PHEX: variants seen among roughly 807,000 people sequenced by gnomAD.
PHEX encodes phosphate regulating endopeptidase X-linked, also known as phosphate-regulating neutral endopeptidase PHEX.
A neutral mutation model predicts 68.0 loss-of-function variants in PHEX; 16 were observed. That is an observed-to-expected ratio of 0.24 (90% CI 0.16 to 0.36). PHEX has a LOEUF of 0.36. Ranked by LOEUF, PHEX falls within the 10% of genes least tolerant of loss-of-function variation. The probability of loss-of-function intolerance (pLI) is 1.00; values close to 1 mark genes in which losing one functional copy is unlikely to be tolerated. For missense variants in PHEX, 480 were observed against 575.5 expected (o/e 0.83, Z 1.70); for synonymous variants, 208 against 205.1 (o/e 1.01, Z -0.12).
intron 13 of PHEX, chrX:22,172,147 T>C (rs897591993): frequency 7.1e-5 from 8 of 111,976 alleles, no homozygotes; most frequent in African/African-American, 2.6e-4. Context: ...CAGGAAGAAA[T>C]AAAATGCCCT....
intron 15 of PHEX, among the ~76,000 whole-genome samples, chrX:22,204,193 C>T (rs1027116823): frequency 3.6e-5 from 4 of 111,274 alleles, no homozygotes; most frequent in Admixed American, 9.5e-5. Context: ...GGGGTGCAAA[C>T]ATTTGCACCT....
intron 13 of PHEX, among the ~76,000 whole-genome samples, chrX:22,169,097 T>G (rs1933436345): frequency 8.9e-6 from 1 of 112,122 alleles, no homozygotes; most frequent in African/African-American, 3.2e-5. Context: ...TGTAGTCTTT[T>G]GAAATTCTTT....
intron 3 of PHEX, among the ~76,000 whole-genome samples, chrX:22,074,570 T>A (rs1480495988): frequency 1.8e-5 from 2 of 110,579 alleles, no homozygotes; most frequent in East Asian, 5.7e-4. Context: ...GGCATTCATG[T>A]TTTTTAGCCT....
At chrX:22,195,543 C>T (rs1434184539) in intron 15 of PHEX, among the ~76,000 whole-genome samples, 8 of 108,558 alleles carry the variant, frequency 7.4e-5, no homozygotes, top group Non-Finnish European at 1.3e-4. Flanking sequence ...TGCAGTGAGC[C>T]GAGATTGTGC....
In PHEX at chrX:22,083,564, C is replaced by T. The variant is rs761418284; in HGVS notation, c.663+5862C>T. Among the ~76,000 whole-genome samples, 14 of 111,957 alleles carry T rather than the reference C, an allele frequency of 1.3e-4. No homozygotes were observed. The South Asian group carries it at 3.7e-3, about 30-fold the overall frequency. On this transcript the variant is annotated intron_variant, in intron 5 of 21. Coordinates refer to ENST00000379374, the MANE Select transcript of PHEX (RefSeq NM_000444.6). ...CATCAACATTTTATAGTTTTCTTTA[C>T]ATGAATCTTTTATTTCATGGGTTAA...
At chrX:22,128,753 T>A in intron 11 of PHEX, among the ~76,000 whole-genome samples, 1 of 110,688 alleles carries the variant, frequency 9.0e-6, no homozygotes. Context: ...TATTGCTACA[T>A]CCTGGCCAGG....
intron 15 of PHEX, among the ~76,000 whole-genome samples, chrX:22,193,098 G>A (rs1399374262): frequency 9.0e-6 from 1 of 110,923 alleles, no homozygotes; most frequent in Non-Finnish European, 1.9e-5. Flanking sequence ...GGCCCTAAAT[G>A]CCAACTTGAG....
intron 12 of PHEX, among the ~76,000 whole-genome samples, chrX:22,164,344 T>C (rs763500613): frequency 8.9e-6 from 1 of 112,313 alleles, no homozygotes; most frequent in East Asian, 2.8e-4. Flanking sequence ...TCTTCAGATG[T>C]TGGCAATGTT....
intron 12 of PHEX, among the ~76,000 whole-genome samples, chrX:22,150,486 C>G (rs919084578): frequency 4.5e-5 from 5 of 112,121 alleles, no homozygotes; most frequent in Non-Finnish European, 9.4e-5. Context: ...ACCTGTAGTA[C>G]AGAGCAGCAA....
chrX:22,078,224 G>A (rs967481001), intron 5 of PHEX, among the ~76,000 whole-genome samples: 3 of 112,070 alleles, frequency 2.7e-5, no homozygotes, highest in Middle Eastern at 4.6e-3. Flanking sequence ...GCTTGGTTGC[G>A]TTTTCTGTTG....
At chrX:22,046,275 G>C (rs1344977451) in intron 2 of PHEX, among the ~76,000 whole-genome samples, 1 of 111,927 alleles carries the variant, frequency 8.9e-6, no homozygotes, top group East Asian at 2.8e-4. Flanking sequence ...GCCTCTTAAG[G>C]CTTAGCTTTG....
intron 13 of PHEX, among the ~76,000 whole-genome samples, chrX:22,177,874 A>G (rs1933758138): frequency 8.9e-6 from 1 of 112,275 alleles, no homozygotes; most frequent in African/African-American, 3.2e-5. Flanking sequence ...GTTACTGAAA[A>G]AACTTACGTG....
Position 22,249,455 on chromosome X carries a change from A to AAAATATATATATAT in PHEX, c.*1503_*1504insAATATATATATATA. On this transcript the variant is annotated 3_prime_UTR_variant, in exon 22 of 22. Transcript: ENST00000379374. The stretch of plus-strand genomic sequence containing the variant: ...TTGTGATTCTTTTAAAAAAAAAAAA[A>AAAATATATATATAT]ATATATATATATATATATATATATA... The AAAATATATATATAT allele has an allele frequency of 1.8e-3, 70 of 39,726 alleles. No homozygotes were observed. Among genetic ancestry groups the AAAATATATATATAT allele is most frequent in the Non-Finnish European group, 2.2e-3 (55 of 24,445 alleles). The allele number at this position is 39,726 out of a possible 1,213,427, so 3.3% of individuals were successfully genotyped here. A position where few individuals can be genotyped will look rare whatever the true frequency, so the allele number is the denominator to read the frequency against.
chrX:22,164,207 A>G (rs544502616), intron 12 of PHEX, among the ~76,000 whole-genome samples: 2 of 112,010 alleles, frequency 1.8e-5, no homozygotes, highest in East Asian at 5.6e-4. Flanking sequence ...GAAGCTTCTC[A>G]GGGAAAAATG....
intron 20 of PHEX, among the ~76,000 whole-genome samples, chrX:22,234,372 G>A (rs1169556110): frequency 1.8e-5 from 2 of 112,211 alleles, no homozygotes; most frequent in East Asian, 2.8e-4. Context: ...GCCCACAGCT[G>A]CCCCTTCCCC....
intron 5 of PHEX, among the ~76,000 whole-genome samples, chrX:22,083,916 C>T (rs748021511): frequency 8.9e-6 from 1 of 112,037 alleles, no homozygotes; most frequent in East Asian, 2.8e-4. Flanking sequence ...TGTTCTACAT[C>T]TTAAAAGAAA....
intron 13 of PHEX, among the ~76,000 whole-genome samples, chrX:22,176,113 G>C (rs1032095132): frequency 1.8e-5 from 2 of 110,594 alleles, no homozygotes; most frequent in Non-Finnish European, 3.8e-5. Context: ...TTTGGCCAGC[G>C]CGGTGGCCCA....
chrX:22,128,219 T>C (rs1160390085), intron 11 of PHEX, among the ~76,000 whole-genome samples: 1 of 108,221 alleles, frequency 9.2e-6, no homozygotes, highest in Non-Finnish European at 1.9e-5. Context: ...CCACCACACC[T>C]GGCTAATTTC....
intron 12 of PHEX, among the ~76,000 whole-genome samples, chrX:22,138,135 G>A (rs1013147948): frequency 8.9e-6 from 1 of 112,592 alleles, no homozygotes; most frequent in Non-Finnish European, 1.9e-5. Flanking sequence ...TGAACTGCTC[G>A]CACTTGAATC....
Sources: gnomAD v4.1 joint callset for allele counts (sites outside exome capture counted in the v4.1 genomes callset) on GRCh38, gnomAD v4.1.1 for gene constraint, MANE v1.5 for transcripts, NCBI Gene and HGNC (gene_info 2026-07-23, HGNC 2026-07-21) for gene names.